Variants in LYPD6B observed in about 807,000 individuals in gnomAD.
The protein encoded by LYPD6B is LY6/PLAUR domain containing 6B.
In LYPD6B, 17 loss-of-function variants were observed where a neutral mutation model predicts 22.8. The ratio of observed to expected loss-of-function variants is 0.75; its 90% CI spans 0.51 to 1.12. LYPD6B has a LOEUF of 1.12. Ranked by LOEUF, LYPD6B falls within the 50% of genes most tolerant of loss-of-function variation. The pLI is 0.00. For missense variants in LYPD6B, 221 were observed against 258.3 expected (o/e 0.86, Z 0.99); for synonymous variants, 106 against 91.6 (o/e 1.16, Z -0.90).
intron 1 of LYPD6B, among the ~76,000 whole-genome samples, chr2:149,064,780 C>T (rs1471064067): frequency 6.6e-6 from 1 of 152,182 alleles, no homozygotes; most frequent in Non-Finnish European, 1.5e-5. Context: ...ATTCTCTGTG[C>T]TCATCTGAAT....
chr2:149,156,345 T>A (rs229319), intron 2 of LYPD6B, among the ~76,000 whole-genome samples: 119,484 of 151,852 alleles, frequency 0.79, 47,181 homozygotes, highest in Non-Finnish European at 0.82. Flanking sequence ...CTTGAGTAGG[T>A]CACAGAGTGT....
chr2:149,087,952 G>T (rs537683234), intron 1 of LYPD6B, among the ~76,000 whole-genome samples: 9 of 152,114 alleles, frequency 5.9e-5, no homozygotes, highest in Non-Finnish European at 1.3e-4. Context: ...AGGGGGTAAC[G>T]CTCATCTCAC....
intron 2 of LYPD6B, chr2:149,142,321 G>A (rs1307730036): frequency 1.3e-5 from 2 of 152,188 alleles, no homozygotes; most frequent in Non-Finnish European, 2.9e-5. Context: ...CTGGGCTTGG[G>A]AGGTGCACCC....
intron 1 of LYPD6B, among the ~76,000 whole-genome samples, chr2:149,086,620 A>C (rs1343834450): frequency 6.6e-6 from 1 of 152,188 alleles, no homozygotes; most frequent in Non-Finnish European, 1.5e-5. Context: ...TGGAAGAACA[A>C]AGACAGCTTC....
At chr2:149,177,176 C>T (rs369332536) in intron 3 of LYPD6B, among the ~76,000 whole-genome samples, 1 of 152,196 alleles carries the variant, frequency 6.6e-6, no homozygotes, top group East Asian at 1.9e-4. Context: ...AAATGGCCCC[C>T]AAACACGTGA....
chr2:149,158,602 A>G (rs905289712), intron 2 of LYPD6B, among the ~76,000 whole-genome samples: 1 of 152,194 alleles, frequency 6.6e-6, no homozygotes, highest in Non-Finnish European at 1.5e-5. Flanking sequence ...GATCATGGTG[A>G]TGGTTATACA....
chr2:149,132,109 G>A lies in LYPD6B; in HGVS notation c.5+1156G>A, dbSNP rs191336841. Among the ~76,000 whole-genome samples the A allele has an allele frequency of 2.5e-3, 379 of 151,930 alleles. 5 individuals are homozygous for A. The highest frequency in any genetic ancestry group is 2.9e-4 in the Non-Finnish European group (20 of 67,966). ...AAACACTCATAGGCAAGTCAGGGCT[G>A]GTTGCATAGAATCAAATGAAATAGG... On this transcript the variant is annotated intron_variant, in intron 2 of 6. Coordinates refer to ENST00000409642, the MANE Select transcript of LYPD6B (RefSeq NM_177964.5).
intron 3 of LYPD6B, among the ~76,000 whole-genome samples, chr2:149,194,675 G>A (rs1449097952): frequency 1.3e-5 from 2 of 152,172 alleles, no homozygotes; most frequent in Admixed American, 1.3e-4. Flanking sequence ...CAGTCTCACT[G>A]TCTTTCCATC....
chr2:149,197,982 A>G (rs1017467177), intron 3 of LYPD6B, among the ~76,000 whole-genome samples: 3 of 152,076 alleles, frequency 2.0e-5, no homozygotes, highest in Non-Finnish European at 1.5e-5. Flanking sequence ...TGGCAAACCA[A>G]TCTTGATTCT....
intron 1 of LYPD6B, among the ~76,000 whole-genome samples, chr2:149,054,831 A>G (rs1683715783): frequency 6.6e-6 from 1 of 151,916 alleles, no homozygotes. Context: ...GTGAGCCATG[A>G]TTGCACTATG....
chr2:149,142,095 A>G lies in LYPD6B; in HGVS notation c.5+11142A>G, dbSNP rs561978201. 5.9e-5 allele frequency: 9 copies of G among 152,348 alleles called. No homozygotes were observed. The East Asian group carries it at 1.3e-3, about 23-fold the overall frequency. 9.4% of individuals were successfully genotyped at this position (152,348 alleles called of 1,614,324 possible). On this transcript the variant is annotated intron_variant, in intron 2 of 6. Transcript: ENST00000409642. ...TGCAACCCTGCCCATGCTGCATATTAGAAACTTCTGCTCAGCTTTTAAAAA... is the reference window on the plus strand; with the variant it reads ...TGCAACCCTGCCCATGCTGCATATTGGAAACTTCTGCTCAGCTTTTAAAAA...
intron 2 of LYPD6B, among the ~76,000 whole-genome samples, chr2:149,149,295 C>T (rs1689220960): frequency 6.6e-6 from 1 of 152,096 alleles, no homozygotes; most frequent in South Asian, 2.1e-4. Context: ...AGAGCCCGAA[C>T]CAAGAAACTA....
At chr2:149,184,030 T>G (rs1691931961) in intron 3 of LYPD6B, among the ~76,000 whole-genome samples, 1 of 151,926 alleles carries the variant, frequency 6.6e-6, no homozygotes, top group Admixed American at 6.6e-5. Flanking sequence ...CCATCTCTAC[T>G]AAAAATACAA....
chr2:149,044,979 AG>A (rs970767232), intron 1 of LYPD6B, among the ~76,000 whole-genome samples: 3 of 151,984 alleles, frequency 2.0e-5, no homozygotes, highest in Admixed American at 2.0e-4. Flanking sequence ...GTATTTTTGG[AG>A]GGGACTAGGT....
intron 1 of LYPD6B, among the ~76,000 whole-genome samples, chr2:149,042,964 C>T (rs1158541546): frequency 6.6e-6 from 1 of 152,062 alleles, no homozygotes; most frequent in Non-Finnish European, 1.5e-5. Context: ...TCACATTGTT[C>T]CTAAATATGA....
chr2:149,054,923 A>AT (rs528236133), intron 1 of LYPD6B, among the ~76,000 whole-genome samples: 241 of 151,544 alleles, frequency 1.6e-3, no homozygotes, highest in African/African-American at 5.2e-3. Context: ...CTATTTATCT[A>AT]TTTTTTTTCT....
chr2:149,184,037 A>C (rs1244581049), intron 3 of LYPD6B, among the ~76,000 whole-genome samples: 1 of 152,104 alleles, frequency 6.6e-6, no homozygotes, highest in Non-Finnish European at 1.5e-5. Flanking sequence ...TACTAAAAAT[A>C]CAAAATTAGC....
At chr2:149,182,424 G>A (rs1691803539) in intron 3 of LYPD6B, among the ~76,000 whole-genome samples, 1 of 152,096 alleles carries the variant, frequency 6.6e-6, no homozygotes, top group East Asian at 1.9e-4. Context: ...TACTATTTTT[G>A]GTGTGCTGGC....
intron 3 of LYPD6B, among the ~76,000 whole-genome samples, chr2:149,169,766 A>C (rs1157941255): frequency 1.3e-5 from 2 of 152,286 alleles, no homozygotes; most frequent in East Asian, 3.9e-4. Context: ...GATGTTAGGG[A>C]GGAAAGCGAC....
Sources: gnomAD v4.1 joint callset for allele counts (sites outside exome capture counted in the v4.1 genomes callset) on GRCh38, gnomAD v4.1.1 for gene constraint, MANE v1.5 for transcripts, NCBI Gene and HGNC (gene_info 2026-07-23, HGNC 2026-07-21) for gene names.